Variants in RUNX2 observed in about 807,000 individuals in gnomAD.
The protein encoded by RUNX2 is RUNX family transcription factor 2.
In RUNX2, 10 loss-of-function variants were observed where a neutral mutation model predicts 51.7. That is an observed-to-expected ratio of 0.19 (90% CI 0.12 to 0.33). RUNX2 has a LOEUF of 0.33. Ranked by LOEUF, RUNX2 falls within the 10% of genes least tolerant of loss-of-function variation. The pLI is 1.00. For synonymous variants in RUNX2, 276 were observed against 273.6 expected, an observed-to-expected ratio of 1.01 and a Z score of -0.09; for missense variants, 562 against 691.3, an observed-to-expected ratio of 0.81 and a Z score of 2.10.
At chr6:45,389,293 C>G (rs919892738) in intron 2 of RUNX2, among the ~76,000 whole-genome samples, 4 of 152,158 alleles carry the variant, frequency 2.6e-5, no homozygotes, top group African/African-American at 9.7e-5. Context: ...TGCCATTGCT[C>G]AAATATTTGG....
At chr6:45,354,377 A>T (rs1277211432) in intron 2 of RUNX2, among the ~76,000 whole-genome samples, 1 of 152,210 alleles carries the variant, frequency 6.6e-6, no homozygotes, top group Non-Finnish European at 1.5e-5. Context: ...GTAATGACTA[A>T]AAATTACTAA....
chr6:45,347,007 G>A lies in RUNX2; in HGVS notation c.58+18223G>A, dbSNP rs954983598. On this transcript the variant is annotated intron_variant, in intron 2 of 8. Transcript: ENST00000647337. Reference sequence around the variant, plus strand: ...GAAATACTATATAAGAAAAGAAAATGCCTTAAAAATAACTTACATGGCTGA... The same window carrying A: ...GAAATACTATATAAGAAAAGAAAATACCTTAAAAATAACTTACATGGCTGA... Among the ~76,000 whole-genome samples, 14 of 152,186 alleles carry A rather than the reference G, an allele frequency of 9.2e-5. No individual in the cohort carries two copies. The East Asian group carries it at 2.7e-3, about 29-fold the overall frequency.
chr6:45,368,890 A>G (rs1795583559), intron 2 of RUNX2, among the ~76,000 whole-genome samples: 1 of 152,112 alleles, frequency 6.6e-6, no homozygotes, highest in South Asian at 2.1e-4. Flanking sequence ...TTAAGCCAAC[A>G]CTATTATGCA....
Position 45,399,349 on chromosome 6 carries a change from C to CTTTTTTTT in RUNX2, c.59-23223_59-23216dup, listed in dbSNP as rs398048486. Reference sequence around the variant, plus strand: ...CTTTCTCATTTCTTTCTTTTCTTTCCTTTTTTTTTTTTTTTTTTTTTTTTT... The same window carrying CTTTTTTTT: ...CTTTCTCATTTCTTTCTTTTCTTTCCTTTTTTTTTTTTTTTTTTTTTTTTTTTTTTTTT... On this transcript the variant is annotated intron_variant, in intron 2 of 8. Transcript: ENST00000647337. 6.1e-3 allele frequency among the ~76,000 whole-genome samples: 351 copies of CTTTTTTTT among 57,384 alleles called. 54 individuals carry two copies. Among genetic ancestry groups the CTTTTTTTT allele is most frequent in the Non-Finnish European group, 0.01 (295 of 29,044 alleles). The allele number at this position is 57,384 out of a possible 152,430, so 37.6% of individuals were successfully genotyped here.
At chr6:45,444,131 T>C (rs1396951401) in intron 5 of RUNX2, among the ~76,000 whole-genome samples, 1 of 152,254 alleles carries the variant, frequency 6.6e-6, no homozygotes, top group East Asian at 1.9e-4. Context: ...ATTACAGGCG[T>C]GAGCCACTGC....
chr6:45,372,112 T>A (rs1239070938), intron 2 of RUNX2: 1 of 716,424 alleles, frequency 1.4e-6, no homozygotes, highest in African/African-American at 1.9e-5. Context: ...AATATCTGAC[T>A]ATGCCAAACC....
rs569116416 is a variant in RUNX2, at chr6:45,437,748, T to C, written c.581-199T>C. Among the ~76,000 whole-genome samples the C allele has an allele frequency of 7.2e-5, 11 of 152,336 alleles. No individual in the cohort carries two copies. The South Asian group carries it at 2.3e-3, about 32-fold the overall frequency. ...TAGCACTACAATGAGGACGATGATCTTGACTCTAAGCAAATTTGGAAATGT... is the reference window on the plus strand; with the variant it reads ...TAGCACTACAATGAGGACGATGATCCTGACTCTAAGCAAATTTGGAAATGT... On this transcript the variant is annotated intron_variant, in intron 4 of 8. Transcript: ENST00000647337.
At chr6:45,385,639 C>A (rs1340013620) in intron 2 of RUNX2, among the ~76,000 whole-genome samples, 1 of 152,190 alleles carries the variant, frequency 6.6e-6, no homozygotes, top group Non-Finnish European at 1.5e-5. Flanking sequence ...GTGGCTCAAA[C>A]CTATAATCCC....
chr6:45,451,060 A>G (rs1799157391), intron 5 of RUNX2, among the ~76,000 whole-genome samples: 1 of 152,250 alleles, frequency 6.6e-6, no homozygotes, highest in African/African-American at 2.4e-5. Flanking sequence ...AAAGGATAAC[A>G]CATTCTAAGC....
At chr6:45,484,505 G>A (rs889745009) in intron 5 of RUNX2, among the ~76,000 whole-genome samples, 5 of 152,094 alleles carry the variant, frequency 3.3e-5, no homozygotes, top group South Asian at 2.1e-4. Flanking sequence ...ACTTTTCTCC[G>A]TAGTATCTTC....
intron 7 of RUNX2, among the ~76,000 whole-genome samples, chr6:45,528,939 A>T (rs1801758909): frequency 6.6e-6 from 1 of 152,244 alleles, no homozygotes; most frequent in African/African-American, 2.4e-5. Flanking sequence ...GATGAGGAAC[A>T]TGTTCTAAGC....
intron 2 of RUNX2, among the ~76,000 whole-genome samples, chr6:45,402,536 T>C (rs968834346): frequency 6.6e-6 from 1 of 152,192 alleles, no homozygotes; most frequent in Admixed American, 6.6e-5. Context: ...TAATCAGTTA[T>C]ATAAAGCATT....
At chr6:45,386,011 G>C (rs1207978065) in intron 2 of RUNX2, among the ~76,000 whole-genome samples, 1 of 151,126 alleles carries the variant, frequency 6.6e-6, no homozygotes, top group Non-Finnish European at 1.5e-5. Flanking sequence ...TCTTTTCTTA[G>C]ATTCCAGCAG....
At position 45,422,622 on chromosome 6, in the gene RUNX2, C is replaced by T. The variant is rs990671181; in HGVS notation, c.88C>T (p.Pro30Ser). 4 of 1,607,148 alleles carry T rather than the reference C, an allele frequency of 2.5e-6. No homozygotes were observed. The highest frequency in any genetic ancestry group is 2.7e-5 in the African/African-American group (2 of 74,618). The change falls in exon 3 of 9, where the codon CCC (proline) becomes TCC (serine). Residue 30 changes from proline to serine, a missense_variant. Physicochemically the swap from Pro to Ser is moderately conservative, Grantham distance 74 (BLOSUM62 -1). Coordinates refer to ENST00000647337, the MANE Select transcript of RUNX2 (RefSeq NM_001024630.4). ...DPSTSRRFSP[P>S]SSSLQPGKMS... ...GAGCACCAGCCGGCGCTTCAGCCCC[C>T]CCTCCAGCAGCCTGCAGCCCGGCAA...
chr6:45,463,989 C>T (rs1233409985), intron 5 of RUNX2, among the ~76,000 whole-genome samples: 3 of 152,014 alleles, frequency 2.0e-5, no homozygotes, highest in East Asian at 3.9e-4. Flanking sequence ...GTCAGGAGAT[C>T]GAGACCATCC....
At chr6:45,493,071 A>C (rs1800535675) in intron 6 of RUNX2, among the ~76,000 whole-genome samples, 1 of 152,190 alleles carries the variant, frequency 6.6e-6, no homozygotes, top group African/African-American at 2.4e-5. Context: ...TCAAAACATA[A>C]TTGTTTATAA....
chr6:45,350,848 C>T (rs535487161), intron 2 of RUNX2, among the ~76,000 whole-genome samples: 4 of 152,200 alleles, frequency 2.6e-5, no homozygotes, highest in African/African-American at 7.2e-5. Context: ...TTTATAATAG[C>T]TCAGGGGTCC....
intron 6 of RUNX2, among the ~76,000 whole-genome samples, chr6:45,499,703 C>A (rs998029213): frequency 1.3e-5 from 2 of 152,084 alleles, no homozygotes; most frequent in African/African-American, 4.8e-5. Flanking sequence ...TAATTTTCTC[C>A]TATCTGGGAA....
At chr6:45,377,449 C>G (rs1399343459) in intron 2 of RUNX2, 1 of 152,370 alleles carries the variant, frequency 6.6e-6, no homozygotes, top group Non-Finnish European at 1.5e-5. Context: ...ACTACCTAGA[C>G]GACCCGCGCA....
Sources: gnomAD v4.1 joint callset for allele counts (sites outside exome capture counted in the v4.1 genomes callset) on GRCh38, gnomAD v4.1.1 for gene constraint, MANE v1.5 for transcripts, NCBI Gene and HGNC (gene_info 2026-07-23, HGNC 2026-07-21) for gene names.